Variants in ACSM1 observed in about 807,000 individuals in gnomAD.
ACSM1 encodes acyl-coenzyme A synthetase ACSM1, mitochondrial.
ACSM1 carries 79 observed loss-of-function variants against 75.8 expected under a neutral mutation model. That is an observed-to-expected ratio of 1.04 (90% CI 0.87 to 1.26). The LOEUF (loss-of-function observed/expected upper bound fraction) is 1.26, where lower values mean the gene tolerates loss of function less well. Among genes scored for constraint, ACSM1 ranks in the 50% most tolerant of loss-of-function variants. ACSM1 has a pLI of 0.00. For synonymous variants in ACSM1, 279 were observed against 265.8 expected, an observed-to-expected ratio of 1.05 and a Z score of -0.48; for missense variants, 676 against 720.1, an observed-to-expected ratio of 0.94 and a Z score of 0.70.
intron 1 of ACSM1, among the ~76,000 whole-genome samples, chr16:20,691,750 AATGTGTGT>A (rs1340143277): frequency 3.4e-5 from 3 of 87,898 alleles, no homozygotes; most frequent in Admixed American, 1.2e-4. Context: ...ATACCTCTCC[AATGTGTGT>A]GTGTGTGTGT....
rs151096246 is a variant in ACSM1 at position 20,691,625 on chromosome 16, G to T, written c.-51-386C>A. Among the ~76,000 whole-genome samples the T allele has an allele frequency of 6.1e-4, 93 of 152,132 alleles. 1 individual carries two copies. Among genetic ancestry groups the T allele is most frequent in the African/African-American group, 2.1e-3 (87 of 41,490 alleles). On this transcript the variant is annotated intron_variant, in intron 1 of 13. Coordinates refer to ENST00000520010, the MANE Select transcript of ACSM1 (RefSeq NM_001318890.3). ...CCTTTCTGCCAAGCCAAATCATGTT[G>T]TTGCCATGGAAGCTGTGATATCTTT...
intron 10 of ACSM1, among the ~76,000 whole-genome samples, chr16:20,630,028 T>C (rs2017243489): frequency 6.7e-6 from 1 of 149,198 alleles, no homozygotes; most frequent in African/African-American, 2.5e-5. Context: ...TGTTGAAAGT[T>C]AAAGGATGGA....
chr16:20,693,309 A>T (rs994280858), intron 1 of ACSM1, among the ~76,000 whole-genome samples: 1 of 152,182 alleles, frequency 6.6e-6, no homozygotes, highest in African/African-American at 2.4e-5. Flanking sequence ...GTTGACACAT[A>T]AAATTAAACC....
chr16:20,633,152 G>A (rs987008214), intron 10 of ACSM1, among the ~76,000 whole-genome samples: 1 of 152,144 alleles, frequency 6.6e-6, no homozygotes, highest in African/African-American at 2.4e-5. Flanking sequence ...AGTCCCGGAA[G>A]CTCTAGCCAA....
intron 2 of ACSM1, among the ~76,000 whole-genome samples, chr16:20,686,520 T>C (rs2079556810): frequency 6.6e-6 from 1 of 152,134 alleles, no homozygotes; most frequent in Non-Finnish European, 1.5e-5. Context: ...AGCTAATGCA[T>C]GCGGGGTTTA....
intron 1 of ACSM1, among the ~76,000 whole-genome samples, chr16:20,692,511 T>A (rs1293333562): frequency 6.6e-6 from 1 of 152,182 alleles, no homozygotes; most frequent in African/African-American, 2.4e-5. Flanking sequence ...TGTGCACCGG[T>A]ATCTCTCAGA....
At chr16:20,664,409 G>C (rs1274652125) in intron 6 of ACSM1, among the ~76,000 whole-genome samples, 1 of 152,094 alleles carries the variant, frequency 6.6e-6, no homozygotes, top group Admixed American at 6.6e-5. Flanking sequence ...GAAGGACAAA[G>C]GAGGGCATTA....
chr16:20,630,045 T>C (rs919266837), intron 10 of ACSM1, among the ~76,000 whole-genome samples: 4 of 144,234 alleles, frequency 2.8e-5, no homozygotes, highest in Admixed American at 2.7e-4. Context: ...TGGATAAAAA[T>C]ATATTCCCTG....
At chr16:20,626,355 TAAAATAAAATAA>T (rs1445969777) in intron 11 of ACSM1, among the ~76,000 whole-genome samples, 13 of 151,072 alleles carry the variant, frequency 8.6e-5, no homozygotes, top group South Asian at 4.2e-4. Context: ...TAAAATAAAA[TAAAATAAAATAA>T]AAAATAAAAT....
At chr16:20,630,007 A>G (rs2017241323) in intron 10 of ACSM1, among the ~76,000 whole-genome samples, 1 of 151,644 alleles carries the variant, frequency 6.6e-6, no homozygotes, top group Non-Finnish European at 1.5e-5. Flanking sequence ...AAAAAAAAAA[A>G]GACACAAATA....
intron 3 of ACSM1, among the ~76,000 whole-genome samples, chr16:20,683,329 G>A (rs1348136452): frequency 6.6e-6 from 1 of 151,688 alleles, no homozygotes; most frequent in Non-Finnish European, 1.5e-5. Context: ...GTTTTCACCA[G>A]GTTGGCCAGG....
At chr16:20,676,490 A>T (rs369302568) in intron 4 of ACSM1, among the ~76,000 whole-genome samples, 1 of 152,196 alleles carries the variant, frequency 6.6e-6, no homozygotes, top group East Asian at 1.9e-4. Context: ...CAGCATTTGT[A>T]AGGCAGGCCC....
chr16:20,671,549 T>G lies in ACSM1; in HGVS notation c.734A>C (p.Gln245Pro). Residue 245 changes from glutamine (Q) to proline (P), a missense_variant, in exon 5 of 14, where the codon CAA becomes CCA. Gln to Pro is a moderately conservative substitution (Grantham distance 76). Transcript: ENST00000520010. Reference sequence around the variant, plus strand: ...TTCCTACCTTCCTGGGAAGGAGGGTTGTAAGGCCAACCCATGGGAGTGTTT... The same window carrying G: ...TTCCTACCTTCCTGGGAAGGAGGGTGGTAAGGCCAACCCATGGGAGTGTTT... ...MAKHSHGLAL[Q>P]PSFPGSRKLR... 6.2e-7 allele frequency: 1 copy of G among 1,611,366 alleles called. No individual in the cohort carries two copies. The highest frequency in any genetic ancestry group is 8.5e-7 in the Non-Finnish European group (1 of 1,179,058).
intron 7 of ACSM1, among the ~76,000 whole-genome samples, chr16:20,644,050 G>T (rs2018222292): frequency 6.6e-6 from 1 of 152,132 alleles, no homozygotes; most frequent in African/African-American, 2.4e-5. Flanking sequence ...TAGACCCAGA[G>T]CACTAATTGG....
intron 4 of ACSM1, among the ~76,000 whole-genome samples, chr16:20,676,825 AAAAT>A (rs1158197208): frequency 6.6e-6 from 1 of 152,168 alleles, no homozygotes; most frequent in Non-Finnish European, 1.5e-5. Flanking sequence ...AATGCCCCAA[AAAAT>A]AAATAAATAA....
intron 6 of ACSM1, among the ~76,000 whole-genome samples, chr16:20,665,993 T>C (rs1439041868): frequency 3.3e-5 from 5 of 151,916 alleles, no homozygotes; most frequent in East Asian, 3.9e-4. Flanking sequence ...CTCTAAATAA[T>C]AGCCATCTAT....
Position 20,661,816 on chromosome 16 carries a change from T to G in ACSM1, c.970A>C (p.Ile324Leu), listed in dbSNP as rs2019314573. ...FWGVSSIYRM[I>L]LQQDFTSIRF... is the part of the protein sequence containing the mutation. Reference sequence around the variant, plus strand: ...TACCTGGTGAAATCCTGCTGCAGAATCATTCGATATATAGATGATACCCCC... The same window carrying G: ...TACCTGGTGAAATCCTGCTGCAGAAGCATTCGATATATAGATGATACCCCC... The change falls in exon 7 of 14, where the codon ATT (isoleucine) becomes CTT (leucine). Residue 324 changes from isoleucine to leucine, a missense_variant. Transcript: ENST00000520010. The G allele has an allele frequency of 1.9e-6, 3 of 1,610,558 alleles. No individual in the cohort carries two copies. In the South Asian group the frequency reaches 3.3e-5, roughly 18 times the overall value.
chr16:20,666,807 A>G (rs1296220162), intron 6 of ACSM1, among the ~76,000 whole-genome samples: 1 of 152,096 alleles, frequency 6.6e-6, no homozygotes, highest in East Asian at 1.9e-4. Context: ...CTATAGCCAT[A>G]TGGTCTTCAA....
At chr16:20,663,277 T>C (rs1326134544) in intron 6 of ACSM1, among the ~76,000 whole-genome samples, 1 of 152,132 alleles carries the variant, frequency 6.6e-6, no homozygotes, top group Non-Finnish European at 1.5e-5. Context: ...ACAGTTATGC[T>C]TGATGCACTG....
Sources: allele counts gnomAD v4.1 joint callset (sites outside exome capture counted in the v4.1 genomes callset), GRCh38; gene constraint gnomAD v4.1.1; transcripts MANE v1.5; gene names NCBI Gene and HGNC (gene_info 2026-07-23, HGNC 2026-07-21).